Variants in GABBR2 observed in about 807,000 individuals in gnomAD.
The protein encoded by GABBR2 is gamma-aminobutyric acid type B receptor subunit 2.
A neutral mutation model predicts 105.6 loss-of-function variants in GABBR2; 23 were observed. The observed-to-expected ratio is 0.22, with a 90% CI of 0.16 to 0.31. The LOEUF is 0.31. Ranked by LOEUF, GABBR2 falls within the 10% of genes least tolerant of loss-of-function variation. GABBR2 has a pLI of 1.00. For missense variants in GABBR2, 734 were observed against 1,245.5 expected, an observed-to-expected ratio of 0.59 and a Z score of 6.18; for synonymous variants, 478 against 499.7, an observed-to-expected ratio of 0.96 and a Z score of 0.58.
intron 12 of GABBR2, among the ~76,000 whole-genome samples, chr9:98,368,800 G>A (rs1487226907): frequency 2.0e-5 from 3 of 152,156 alleles, no homozygotes; most frequent in East Asian, 3.9e-4. Flanking sequence ...AGCAGGAGGG[G>A]CCCCAGAAGC....
At chr9:98,535,558 G>A (rs1828160151) in intron 3 of GABBR2, among the ~76,000 whole-genome samples, 1 of 152,078 alleles carries the variant, frequency 6.6e-6, no homozygotes, top group African/African-American at 2.4e-5. Context: ...TAAAGAATAT[G>A]GGAGGATGTG....
chr9:98,384,451 A>C (rs1832035882), intron 11 of GABBR2, among the ~76,000 whole-genome samples: 1 of 152,074 alleles, frequency 6.6e-6, no homozygotes. Flanking sequence ...TTAGCTGGGC[A>C]TGGTGGTGCA....
At chr9:98,445,878 C>T (rs1826119565) in intron 7 of GABBR2, among the ~76,000 whole-genome samples, 1 of 152,234 alleles carries the variant, frequency 6.6e-6, no homozygotes, top group Non-Finnish European at 1.5e-5. Flanking sequence ...ACACCATCAG[C>T]ATCTGCTGCA....
chr9:98,381,540 C>T (rs1232757431), intron 11 of GABBR2, among the ~76,000 whole-genome samples: 2 of 152,202 alleles, frequency 1.3e-5, no homozygotes, highest in Non-Finnish European at 2.9e-5. Flanking sequence ...ACTTCCTCTT[C>T]CTGGGCAATA....
chr9:98,311,508 C>A (rs571374682), intron 13 of GABBR2, among the ~76,000 whole-genome samples: 2 of 152,352 alleles, frequency 1.3e-5, no homozygotes, highest in East Asian at 3.8e-4. Context: ...CCCCTAGGAT[C>A]TAACACAAAA....
chr9:98,708,770 C>T lies in GABBR2; in HGVS notation c.-33G>A, dbSNP rs1266076845. ...CGCGGGCTGCGGGCGCCGGCTCACT[C>T]GGCCCGCATGGCCTGGCCCGGCCCG... On this transcript the variant is annotated 5_prime_UTR_variant, in exon 1 of 19. Transcript: ENST00000259455. The T allele has an allele frequency of 1.0e-6, 1 of 977,744 alleles. No homozygotes were observed. The highest frequency in any genetic ancestry group is 1.2e-4 in the East Asian group (1 of 8,676). The allele number at this position is 977,744 out of a possible 1,614,324, so 60.6% of individuals were successfully genotyped here. A position where few individuals can be genotyped will look rare whatever the true frequency, so the allele number is the denominator to read the frequency against.
rs1283650361 is a variant in GABBR2, at chr9:98,516,105, G to A, written c.631-19591C>T. The stretch of plus-strand genomic sequence containing the variant: ...TGAGACTGTGTTGGGGCCTCTCTGT[G>A]TATCCATGCTGGATATAAAGCCTGG... On this transcript the variant is annotated intron_variant, in intron 3 of 18. Transcript: ENST00000259455. 3.9e-5 allele frequency: 6 copies of A among 152,322 alleles called. No homozygotes were observed. In the East Asian group the frequency reaches 1.2e-3, roughly 29 times the overall value. 9.4% of individuals were successfully genotyped at this position (152,322 alleles called of 1,614,324 possible). A position where few individuals can be genotyped will look rare whatever the true frequency, so the allele number is the denominator to read the frequency against.
At chr9:98,375,836 A>G (rs1250706245) in intron 11 of GABBR2, among the ~76,000 whole-genome samples, 2 of 152,130 alleles carry the variant, frequency 1.3e-5, no homozygotes, top group Admixed American at 6.5e-5. Flanking sequence ...CCTCCCTTCT[A>G]TGTGGCTCTA....
At chr9:98,665,659 T>C (rs1004657382) in intron 1 of GABBR2, among the ~76,000 whole-genome samples, 4 of 152,164 alleles carry the variant, frequency 2.6e-5, no homozygotes. Flanking sequence ...GGCCATGCCA[T>C]CTGCAGCAGA....
At chr9:98,458,578 G>A (rs1826366488) in intron 6 of GABBR2, among the ~76,000 whole-genome samples, 1 of 152,160 alleles carries the variant, frequency 6.6e-6, no homozygotes, top group Non-Finnish European at 1.5e-5. Context: ...GGTGGCAGGT[G>A]TCTGTAATCC....
Position 98,496,666 on chromosome 9 carries a change from C to A in GABBR2, c.631-152G>T, listed in dbSNP as rs540347436. On this transcript the variant is annotated intron_variant, in intron 3 of 18. Coordinates refer to ENST00000259455, the MANE Select transcript of GABBR2 (RefSeq NM_005458.8). ...GTTTTGTTTTACATTATTAACTAGACCGCCCCACAAAAACTTGAGGATCCC... is the reference window on the plus strand; with the variant it reads ...GTTTTGTTTTACATTATTAACTAGAACGCCCCACAAAAACTTGAGGATCCC... The A allele has an allele frequency of 4.8e-6, 3 of 625,966 alleles. No homozygotes were observed. The African/African-American group carries it at 5.5e-5, about 11-fold the overall frequency. 38.8% of individuals were successfully genotyped at this position (625,966 alleles called of 1,614,324 possible).
intron 5 of GABBR2, among the ~76,000 whole-genome samples, chr9:98,479,031 C>G (rs1309033894): frequency 6.6e-6 from 1 of 151,976 alleles, no homozygotes; most frequent in Non-Finnish European, 1.5e-5. Context: ...ATTTCTGGAC[C>G]CTACGTAGTA....
At chr9:98,608,541 A>G (rs2131811456) in intron 1 of GABBR2, among the ~76,000 whole-genome samples, 1 of 152,352 alleles carries the variant, frequency 6.6e-6, no homozygotes, top group Non-Finnish European at 1.5e-5. Flanking sequence ...CTTCTCTATG[A>G]TAATTATAAT....
At chr9:98,705,581 C>A (rs961432759) in intron 1 of GABBR2, among the ~76,000 whole-genome samples, 3 of 152,218 alleles carry the variant, frequency 2.0e-5, no homozygotes, top group African/African-American at 7.2e-5. Flanking sequence ...ACACAGCCTG[C>A]AAATAATTAG....
chr9:98,383,149 C>G (rs572489351), intron 11 of GABBR2, among the ~76,000 whole-genome samples: 2 of 152,170 alleles, frequency 1.3e-5, no homozygotes, highest in African/African-American at 4.8e-5. Context: ...CCATGTTGGT[C>G]AGGCTGGTCT....
chr9:98,437,002 G>A (rs1825938435), intron 7 of GABBR2, among the ~76,000 whole-genome samples: 1 of 152,118 alleles, frequency 6.6e-6, no homozygotes, highest in Non-Finnish European at 1.5e-5. Context: ...ACTGGGTAGA[G>A]GACAGATTTT....
intron 1 of GABBR2, among the ~76,000 whole-genome samples, chr9:98,614,486 A>G (rs961952729): frequency 6.6e-5 from 10 of 152,144 alleles, no homozygotes; most frequent in African/African-American, 2.4e-4. Context: ...GGTTGCGCCA[A>G]TGCACTCCAG....
Position 98,708,453 on chromosome 9 carries a change from G to C in GABBR2, c.285C>G (p.Arg95=). 1.3e-6 allele frequency: 2 copies of C among 1,568,670 alleles called. No homozygotes were observed. Among genetic ancestry groups the C allele is most frequent in the Non-Finnish European group, 1.7e-6 (2 of 1,154,842 alleles). ...AGAGCCGCAGGTCGAGGAAGTAGGG[G>C]CGCAGGAGTGACTCGTTGCGGATCT... is the stretch of plus-strand genomic sequence containing the variant. The part of the protein sequence containing the change: ...IEQIRNESLL[R]PYFLDLRLYD... The change falls in exon 1 of 19, where the codon CGC becomes CGG. Residue 95 remains arginine, a synonymous_variant. Coordinates refer to ENST00000259455, the MANE Select transcript of GABBR2 (RefSeq NM_005458.8).
rs567560290 is a variant in GABBR2, at chr9:98,633,494, G to A, written c.322-55422C>T. Among the ~76,000 whole-genome samples the A allele has an allele frequency of 1.6e-3, 241 of 151,888 alleles. 2 individuals carry two copies. The highest frequency in any genetic ancestry group is 8.3e-3 in the South Asian group (40 of 4,800). Reference sequence around the variant, plus strand: ...AAAAAAAATAGCTGGGCATGGTGGCGTGCACCTGTAATCCCAGCTACTTGG... The same window carrying A: ...AAAAAAAATAGCTGGGCATGGTGGCATGCACCTGTAATCCCAGCTACTTGG... On this transcript the variant is annotated intron_variant, in intron 1 of 18. Transcript: ENST00000259455.
Sources: gnomAD v4.1 joint callset for allele counts (sites outside exome capture counted in the v4.1 genomes callset) on GRCh38, gnomAD v4.1.1 for gene constraint, MANE v1.5 for transcripts, NCBI Gene and HGNC (gene_info 2026-07-23, HGNC 2026-07-21) for gene names.